SHANK2: variants seen among roughly 807,000 people sequenced by gnomAD.
SHANK2 encodes the protein SH3 and multiple ankyrin repeat domains protein 2.
A neutral mutation model predicts 133.7 loss-of-function variants in SHANK2; 43 were observed. The ratio of observed to expected loss-of-function variants is 0.32; its 90% CI spans 0.25 to 0.41. The LOEUF (loss-of-function observed/expected upper bound fraction) is 0.41, where lower values mean the gene tolerates loss of function less well. Ranked by LOEUF, SHANK2 falls within the 10% of genes least tolerant of loss-of-function variation. The pLI, the probability that SHANK2 is intolerant of heterozygous loss-of-function variation, is 1.00. For missense variants in SHANK2, 1,994 were observed against 2,235.8 expected (o/e 0.89, Z 2.18); for synonymous variants, 1,017 against 952.8 (o/e 1.07, Z -1.24).
At chr11:71,065,129 A>G (rs1199894429) in intron 9 of SHANK2, among the ~76,000 whole-genome samples, 3 of 152,148 alleles carry the variant, frequency 2.0e-5, no homozygotes, top group Non-Finnish European at 4.4e-5. Flanking sequence ...GGGTTTGAGC[A>G]AGCAGGGGTG....
At chr11:70,717,870 A>C (rs1555027820) in intron 14 of SHANK2, among the ~76,000 whole-genome samples, 1 of 152,190 alleles carries the variant, frequency 6.6e-6, no homozygotes, top group Non-Finnish European at 1.5e-5. Flanking sequence ...AAGAAAAAAA[A>C]AATCAGATGA....
chr11:71,146,424 G>A (rs1952645994), intron 3 of SHANK2, among the ~76,000 whole-genome samples: 1 of 152,234 alleles, frequency 6.6e-6, no homozygotes, highest in Non-Finnish European at 1.5e-5. Flanking sequence ...CTCTGCACAC[G>A]AAGCTCCCCT....
chr11:71,116,593 A>T (rs75821703), intron 4 of SHANK2, among the ~76,000 whole-genome samples: 4,467 of 152,370 alleles, frequency 0.029, 204 homozygotes, highest in African/African-American at 0.098. Context: ...TGTGCTGTTG[A>T]GAACAGCTGG....
chr11:70,786,781 GT>G (rs1466493767), intron 14 of SHANK2, among the ~76,000 whole-genome samples: 1 of 152,154 alleles, frequency 6.6e-6, no homozygotes, highest in Non-Finnish European at 1.5e-5. Context: ...GGCCAGAGCA[GT>G]AGCGTTCACC....
At chr11:70,800,634 G>C (rs192927058) in intron 13 of SHANK2, among the ~76,000 whole-genome samples, 7 of 152,266 alleles carry the variant, frequency 4.6e-5, no homozygotes, top group Non-Finnish European at 7.4e-5. Flanking sequence ...TGACCTAACT[G>C]AAACAGATCA....
At chr11:70,941,712 A>C (rs1950650624) in intron 10 of SHANK2, among the ~76,000 whole-genome samples, 1 of 152,162 alleles carries the variant, frequency 6.6e-6, no homozygotes, top group Non-Finnish European at 1.5e-5. Flanking sequence ...CCCCATGAGA[A>C]ATGGAATCAG....
At chr11:70,682,674 C>T (rs367908724) in intron 15 of SHANK2, among the ~76,000 whole-genome samples, 2 of 152,006 alleles carry the variant, frequency 1.3e-5, no homozygotes, top group East Asian at 3.8e-4. Flanking sequence ...ATGGGGGAGG[C>T]AGGTAGGAGG....
chr11:70,884,877 T>C (rs1347058119), intron 11 of SHANK2, among the ~76,000 whole-genome samples: 9 of 152,092 alleles, frequency 5.9e-5, no homozygotes, highest in African/African-American at 1.9e-4. Flanking sequence ...CGTGCCACCA[T>C]GCCTGGCTAA....
intron 11 of SHANK2, among the ~76,000 whole-genome samples, chr11:70,884,068 G>A (rs1949699159): frequency 6.6e-6 from 1 of 152,232 alleles, no homozygotes; most frequent in Admixed American, 6.5e-5. Flanking sequence ...AACTTTCTGG[G>A]AGAATGGATG....
At chr11:70,878,609 C>T (rs1286246676) in intron 11 of SHANK2, among the ~76,000 whole-genome samples, 8 of 152,154 alleles carry the variant, frequency 5.3e-5, no homozygotes, top group African/African-American at 1.9e-4. Context: ...CGGCCTTCCT[C>T]GGGGGTGGTC....
At chr11:70,528,718 G>T (rs2059430373) in intron 17 of SHANK2, among the ~76,000 whole-genome samples, 2 of 152,108 alleles carry the variant, frequency 1.3e-5, no homozygotes, top group Non-Finnish European at 1.5e-5. Flanking sequence ...CTCCCCAGGG[G>T]CATGGAAGGA....
intron 13 of SHANK2, among the ~76,000 whole-genome samples, chr11:70,803,095 G>T (rs1590698764): frequency 6.6e-6 from 1 of 152,090 alleles, no homozygotes; most frequent in Non-Finnish European, 1.5e-5. Context: ...CTGATGGGAA[G>T]ACACAGGGAT....
intron 1 of SHANK2, among the ~76,000 whole-genome samples, chr11:71,251,781 C>T (rs1948186594): frequency 6.6e-6 from 1 of 151,048 alleles, no homozygotes; most frequent in South Asian, 2.1e-4. Context: ...ACCCCCGGGC[C>T]CGCACCAGGC....
chr11:70,675,005 C>T (rs561171051), intron 15 of SHANK2, among the ~76,000 whole-genome samples: 28 of 152,338 alleles, frequency 1.8e-4, no homozygotes, highest in African/African-American at 6.5e-4. Flanking sequence ...AGAAGCCATG[C>T]TGACATTACT....
At chr11:70,553,936 G>T (rs2059799539) in intron 17 of SHANK2, among the ~76,000 whole-genome samples, 1 of 152,372 alleles carries the variant, frequency 6.6e-6, no homozygotes, top group Non-Finnish European at 1.5e-5. Flanking sequence ...GTGTGCCGCA[G>T]AAGAGGCTAC....
At chr11:71,223,086 G>A (rs2135737042) in intron 2 of SHANK2, among the ~76,000 whole-genome samples, 1 of 152,354 alleles carries the variant, frequency 6.6e-6, no homozygotes, top group Non-Finnish European at 1.5e-5. Context: ...GGGACATGCA[G>A]GTGCAGAGAA....
chr11:70,847,956 C>T (rs965062555), intron 11 of SHANK2, among the ~76,000 whole-genome samples: 23 of 152,216 alleles, frequency 1.5e-4, no homozygotes, highest in Non-Finnish European at 5.9e-5. Flanking sequence ...CCCAGGGCTG[C>T]TGAGGTGACC....
At chr11:70,697,511 G>A (rs1175146122) in intron 15 of SHANK2, among the ~76,000 whole-genome samples, 2 of 152,110 alleles carry the variant, frequency 1.3e-5, no homozygotes, top group African/African-American at 4.8e-5. Flanking sequence ...CTGCTAATGG[G>A]GTGACAAAAT....
intron 6 of SHANK2, among the ~76,000 whole-genome samples, chr11:71,097,876 CTG>C (rs1188944164): frequency 6.6e-6 from 1 of 152,124 alleles, no homozygotes; most frequent in Non-Finnish European, 1.5e-5. Context: ...ATGTGCATGC[CTG>C]TGTGCCTGTG....
Sources: gnomAD v4.1 joint callset for allele counts (sites outside exome capture counted in the v4.1 genomes callset) on GRCh38, gnomAD v4.1.1 for gene constraint, MANE v1.5 for transcripts, NCBI Gene and HGNC (gene_info 2026-07-23, HGNC 2026-07-21) for gene names.